The following MACROD2 variants were observed in gnomAD, a reference collection of about 807,000 sequenced individuals.
MACROD2 encodes the protein mono-ADP ribosylhydrolase 2.
Under a neutral mutation model 70.4 loss-of-function variants are expected in MACROD2, and 36 were observed. The ratio of observed to expected loss-of-function variants is 0.51; its 90% CI spans 0.39 to 0.68. The LOEUF (loss-of-function observed/expected upper bound fraction) is 0.68, where lower values mean the gene tolerates loss of function less well. Among genes scored for constraint, MACROD2 ranks in the 30% least tolerant of loss-of-function variants. The pLI, the probability that MACROD2 is intolerant of heterozygous loss-of-function variation, is 0.00. For missense variants in MACROD2, 496 were observed against 538.4 expected (o/e 0.92, Z 0.78); for synonymous variants, 172 against 178.8 (o/e 0.96, Z 0.30).
intron 10 of MACROD2, 148 bp from the exon 11 acceptor site, chr20:15,933,128 T>C (rs548300386): frequency 4.6e-6 from 3 of 647,748 alleles, no homozygotes; most frequent in African/African-American, 3.7e-5. Flanking sequence ...TTTTTCTGTT[T>C]CATGCCTCTG....
chr20:14,642,377 G>A (rs1389097703), intron 4 of MACROD2, among the ~76,000 whole-genome samples: 2 of 152,162 alleles, frequency 1.3e-5, no homozygotes, highest in Non-Finnish European at 2.9e-5. Context: ...TCATTCGTGT[G>A]TTCACTGGAG....
chr20:15,009,589 C>T (rs2075065761), intron 5 of MACROD2, among the ~76,000 whole-genome samples: 1 of 152,100 alleles, frequency 6.6e-6, no homozygotes, highest in African/African-American at 2.4e-5. Context: ...CTGAGCAAAA[C>T]TATATCATGA....
intron 9 of MACROD2, among the ~76,000 whole-genome samples, chr20:15,884,503 C>A (rs979693982): frequency 7.9e-5 from 12 of 152,102 alleles, no homozygotes; most frequent in Admixed American, 5.2e-4. Flanking sequence ...TCTCATTAGG[C>A]AGAGGGCAGT....
chr20:15,106,798 A>G (rs1054839594), intron 5 of MACROD2, among the ~76,000 whole-genome samples: 1 of 152,080 alleles, frequency 6.6e-6, no homozygotes, highest in Non-Finnish European at 1.5e-5. Flanking sequence ...GCACAAATAT[A>G]TCTCTTGAAT....
At chr20:15,427,517 T>A (rs1000518821) in intron 6 of MACROD2, among the ~76,000 whole-genome samples, 1 of 102,980 alleles carries the variant, frequency 9.7e-6, no homozygotes, top group East Asian at 2.1e-4. Flanking sequence ...AGATGTTTAT[T>A]AAGGAGTGCC....
intron 8 of MACROD2, among the ~76,000 whole-genome samples, chr20:15,775,598 G>A (rs1416477347): frequency 2.0e-5 from 3 of 152,004 alleles, no homozygotes; most frequent in Non-Finnish European, 2.9e-5. Flanking sequence ...GTCAGGTGGG[G>A]GACTTAGAAT....
rs896361712 is a variant in MACROD2 at position 15,648,603 on chromosome 20, C to T, written c.645+148756C>T. 2.0e-5 allele frequency among the ~76,000 whole-genome samples: 3 copies of T among 152,156 alleles called. No homozygotes were observed. In the East Asian group the frequency reaches 5.8e-4, roughly 29 times the overall value. On this transcript the variant is annotated intron_variant, in intron 8 of 17. Transcript: ENST00000684519. Reference sequence around the variant, plus strand: ...AATAGTGTAACATTAGGGACTTTGTCATTTGTGTTCATTGCTCTTTCTCAC... The same window carrying T: ...AATAGTGTAACATTAGGGACTTTGTTATTTGTGTTCATTGCTCTTTCTCAC...
intron 10 of MACROD2, among the ~76,000 whole-genome samples, chr20:15,929,112 G>A (rs1162043518): frequency 6.6e-6 from 1 of 152,104 alleles, no homozygotes; most frequent in East Asian, 1.9e-4. Flanking sequence ...GATGACTATG[G>A]TTCAGCTGAT....
intron 3 of MACROD2, among the ~76,000 whole-genome samples, chr20:14,185,438 C>G (rs1423480016): frequency 6.6e-6 from 1 of 152,016 alleles, no homozygotes; most frequent in Non-Finnish European, 1.5e-5. Context: ...TGCATTTGCT[C>G]TAAGATCTAA....
At chr20:14,768,741 C>G (rs1429617757) in intron 5 of MACROD2, among the ~76,000 whole-genome samples, 3 of 152,000 alleles carry the variant, frequency 2.0e-5, no homozygotes, top group Non-Finnish European at 2.9e-5. Context: ...CTCAGCCTCC[C>G]ATGTAGCTGG....
chr20:14,092,033 T>C (rs1168724060), intron 3 of MACROD2, among the ~76,000 whole-genome samples: 1 of 152,352 alleles, frequency 6.6e-6, no homozygotes, highest in East Asian at 1.9e-4. Flanking sequence ...TCATAGTAGT[T>C]GTACCATTTT....
chr20:14,183,404 C>G (rs948177721), intron 3 of MACROD2, among the ~76,000 whole-genome samples: 1 of 152,026 alleles, frequency 6.6e-6, no homozygotes, highest in Non-Finnish European at 1.5e-5. Flanking sequence ...CATATATATA[C>G]TACATTTTCT....
intron 5 of MACROD2, among the ~76,000 whole-genome samples, chr20:14,767,420 G>A (rs1199504160): frequency 6.6e-6 from 1 of 151,976 alleles, no homozygotes; most frequent in African/African-American, 2.4e-5. Flanking sequence ...AGAAATGCAA[G>A]TGAGGGAGTA....
At chr20:14,324,339 G>A (rs2082701273) in intron 3 of MACROD2, 1 of 152,312 alleles carries the variant, frequency 6.6e-6, no homozygotes, top group South Asian at 2.1e-4. Flanking sequence ...TTTTCAACAA[G>A]TAACAGCTCA....
At chr20:14,130,927 T>G (rs536618494) in intron 3 of MACROD2, among the ~76,000 whole-genome samples, 1 of 119,370 alleles carries the variant, frequency 8.4e-6, no homozygotes, top group African/African-American at 4.3e-5. Flanking sequence ...TTGTGTTTTT[T>G]TTGTTTTTTT....
chr20:14,071,197 TAA>T (rs1325201796), intron 2 of MACROD2, among the ~76,000 whole-genome samples: 1 of 151,570 alleles, frequency 6.6e-6, no homozygotes, highest in Non-Finnish European at 1.5e-5. Context: ...AATGGAATTA[TAA>T]TCTTAAAAGT....
In MACROD2 at chr20:14,959,888, T is replaced by A. The variant is rs536428826; in HGVS notation, c.419-270052T>A. On this transcript the variant is annotated intron_variant, in intron 5 of 17. Transcript: ENST00000684519. ...TAGAAAACCCATCTGTAATACCTGATTTACCACAAGAGGTAGCCTTAGGCC... is the reference window on the plus strand; with the variant it reads ...TAGAAAACCCATCTGTAATACCTGAATTACCACAAGAGGTAGCCTTAGGCC... Among the ~76,000 whole-genome samples, 4 of 152,272 alleles carry A rather than the reference T, an allele frequency of 2.6e-5. No individual in the cohort carries two copies. In the East Asian group the frequency reaches 5.8e-4, roughly 22 times the overall value.
At chr20:15,142,590 C>T (rs972150464) in intron 5 of MACROD2, among the ~76,000 whole-genome samples, 4 of 151,958 alleles carry the variant, frequency 2.6e-5, no homozygotes, top group Admixed American at 6.6e-5. Flanking sequence ...TATACATGTG[C>T]CATGTTGGTG....
chr20:15,004,118 A>T (rs1372400430), intron 5 of MACROD2, among the ~76,000 whole-genome samples: 13 of 152,208 alleles, frequency 8.5e-5, no homozygotes. Context: ...AGCTTTGGAC[A>T]AGAATGGTTT....
Sources: allele counts gnomAD v4.1 joint callset (sites outside exome capture counted in the v4.1 genomes callset), GRCh38; gene constraint gnomAD v4.1.1; transcripts MANE v1.5; gene names NCBI Gene and HGNC (gene_info 2026-07-23, HGNC 2026-07-21).